ARB2A: variants seen among roughly 807,000 people sequenced by gnomAD.
The protein encoded by ARB2A is cotranscriptional regulator ARB2A.
chr5:93,623,295 C>A, the ARB2A span, among the ~76,000 whole-genome samples: 1 of 151,124 alleles, frequency 6.6e-6, no homozygotes, highest in Non-Finnish European at 1.5e-5. Context: ...CTTTTCGTAA[C>A]CATTTCCCAA....
At chr5:93,696,989 G>A in the ARB2A span, among the ~76,000 whole-genome samples, 1 of 151,108 alleles carries the variant, frequency 6.6e-6, no homozygotes, top group Non-Finnish European at 1.5e-5. Context: ...TTGAATCTGG[G>A]AGGGAGGGGT....
chr5:93,714,577 C>G, the ARB2A span, among the ~76,000 whole-genome samples: 25 of 152,096 alleles, frequency 1.6e-4, no homozygotes, highest in Non-Finnish European at 3.7e-4. Flanking sequence ...TTAGTTTGAA[C>G]CTTCTCCTTC....
At chr5:93,819,952 A>T in the ARB2A span, among the ~76,000 whole-genome samples, 1 of 152,254 alleles carries the variant, frequency 6.6e-6, no homozygotes, top group East Asian at 1.9e-4. Context: ...GCTGACAAGC[A>T]TGGAGAAACC....
chr5:93,656,566 C>T, the ARB2A span, among the ~76,000 whole-genome samples: 1 of 152,136 alleles, frequency 6.6e-6, no homozygotes, highest in Non-Finnish European at 1.5e-5. Flanking sequence ...GATTCATGTA[C>T]TATTCACACT....
the ARB2A span, among the ~76,000 whole-genome samples, chr5:93,856,896 T>C: frequency 2.0e-5 from 3 of 152,062 alleles, no homozygotes; most frequent in African/African-American, 7.2e-5. Flanking sequence ...CTCTGTTTTT[T>C]CCCCATCTTT....
At chr5:93,840,021 G>A in the ARB2A span, among the ~76,000 whole-genome samples, 3 of 152,018 alleles carry the variant, frequency 2.0e-5, no homozygotes, top group Admixed American at 2.0e-4. Context: ...ATTTCCTTCA[G>A]TTCAGCTCTG....
the ARB2A span, among the ~76,000 whole-genome samples, chr5:93,849,487 T>C: frequency 6.6e-6 from 1 of 152,074 alleles, no homozygotes; most frequent in Admixed American, 6.6e-5. Context: ...ACACGCAGGA[T>C]ACATATCTTC....
At chr5:93,659,741 T>C in the ARB2A span, among the ~76,000 whole-genome samples, 1 of 152,142 alleles carries the variant, frequency 6.6e-6, no homozygotes, top group Non-Finnish European at 1.5e-5. Flanking sequence ...AGGGCTGTAG[T>C]TATAATGGTC....
chr5:93,741,440 C>T, the ARB2A span: 2 of 1,613,512 alleles, frequency 1.2e-6, no homozygotes, highest in Non-Finnish European at 1.7e-6. Flanking sequence ...ATCACCCTGC[C>T]AGGGGCCGCC....
the ARB2A span, among the ~76,000 whole-genome samples, chr5:93,627,203 C>A: frequency 6.6e-6 from 1 of 152,196 alleles, no homozygotes; most frequent in Non-Finnish European, 1.5e-5. Context: ...ACCACATCTG[C>A]AGTTTACTTC....
chr5:93,937,785 T>C, the ARB2A span, among the ~76,000 whole-genome samples: 2 of 152,168 alleles, frequency 1.3e-5, no homozygotes, highest in African/African-American at 4.8e-5. Flanking sequence ...TGGTGTAGTA[T>C]TTGCTCATAG....
chr5:93,713,662 C>T, the ARB2A span, among the ~76,000 whole-genome samples: 1 of 152,132 alleles, frequency 6.6e-6, no homozygotes, highest in Non-Finnish European at 1.5e-5. Flanking sequence ...AATAGAGCTA[C>T]CATATGATCT....
At chr5:93,680,131 A>AT in the ARB2A span, among the ~76,000 whole-genome samples, 2 of 152,128 alleles carry the variant, frequency 1.3e-5, no homozygotes, top group African/African-American at 4.8e-5. Context: ...ACACACTTTC[A>AT]AAGATTCCAT....
At chr5:93,923,671 G>A in the ARB2A span, among the ~76,000 whole-genome samples, 81 of 152,224 alleles carry the variant, frequency 5.3e-4, no homozygotes, top group African/African-American at 1.8e-3. Context: ...TCAGCCAGGC[G>A]TGGTGTTGGA....
At chr5:94,022,097 G>C in the ARB2A span, among the ~76,000 whole-genome samples, 2 of 152,044 alleles carry the variant, frequency 1.3e-5, no homozygotes, top group African/African-American at 4.8e-5. Context: ...TTATCTTCCA[G>C]AATCAAAGGA....
chr5:93,770,675 C>T, the ARB2A span, among the ~76,000 whole-genome samples: 1 of 151,990 alleles, frequency 6.6e-6, no homozygotes, highest in Non-Finnish European at 1.5e-5. Flanking sequence ...AGACACAGAG[C>T]CAAATCATGA....
the ARB2A span, among the ~76,000 whole-genome samples, chr5:93,922,920 G>T: frequency 1.3e-5 from 2 of 152,002 alleles, no homozygotes; most frequent in Non-Finnish European, 2.9e-5. Flanking sequence ...AATTGGTACC[G>T]TATAGAAACA....
At chr5:93,937,620 AAG>A in the ARB2A span, among the ~76,000 whole-genome samples, 9 of 152,078 alleles carry the variant, frequency 5.9e-5, no homozygotes, top group East Asian at 1.9e-4. Flanking sequence ...CAAAAAAAAA[AAG>A]AGAGTGTGTC....
the ARB2A span, among the ~76,000 whole-genome samples, chr5:93,929,321 A>G: frequency 2.0e-5 from 3 of 152,190 alleles, no homozygotes; most frequent in East Asian, 5.8e-4. Flanking sequence ...TCTGGCAAGT[A>G]GTATGAAGCC....
Sources: gnomAD v4.1 joint callset for allele counts (sites outside exome capture counted in the v4.1 genomes callset) on GRCh38, gnomAD v4.1.1 for gene constraint, MANE v1.5 for transcripts, NCBI Gene and HGNC (gene_info 2026-07-23, HGNC 2026-07-21) for gene names.